The following GSTCD variants were observed in gnomAD, a reference collection of about 807,000 sequenced individuals.
The protein encoded by GSTCD is glutathione S-transferase C-terminal domain containing, also known as glutathione S-transferase C-terminal domain-containing protein.
In GSTCD, 44 loss-of-function variants were observed where a neutral mutation model predicts 68.3. The observed-to-expected ratio is 0.64, with a 90% confidence interval of 0.51 to 0.83. GSTCD has a LOEUF of 0.83. Ranked by LOEUF, GSTCD falls within the 40% of genes least tolerant of loss-of-function variation. The pLI, the probability that GSTCD is intolerant of heterozygous loss-of-function variation, is 0.00. For missense variants in GSTCD, 739 were observed against 735.9 expected, an observed-to-expected ratio of 1.00 and a Z score of -0.05; for synonymous variants, 273 against 255.2, an observed-to-expected ratio of 1.07 and a Z score of -0.67.
intron 5 of GSTCD, among the ~76,000 whole-genome samples, chr4:105,742,101 A>ATTT (rs1733648673): frequency 6.6e-6 from 1 of 152,182 alleles, no homozygotes; most frequent in South Asian, 2.1e-4. Flanking sequence ...TGCTGAATTC[A>ATTT]TTTAATTACA....
intron 1 of GSTCD, among the ~76,000 whole-genome samples, chr4:105,709,736 T>C (rs1028449456): frequency 2.0e-5 from 3 of 152,252 alleles, no homozygotes; most frequent in Non-Finnish European, 2.9e-5. Flanking sequence ...ATGCCAGCTT[T>C]AGTAATATAT....
chr4:105,834,654 T>C (rs1400276760), intron 9 of GSTCD, 60 bp downstream of exon 9: 8 of 1,473,878 alleles, frequency 5.4e-6, no homozygotes, highest in Non-Finnish European at 7.4e-6. Flanking sequence ...GACACAAAAC[T>C]TGTTTGATAT....
chr4:105,744,322 A>G lies in GSTCD; in HGVS notation c.1240+14823A>G, dbSNP rs1207203913. On this transcript the variant is annotated intron_variant, in intron 5 of 11. Coordinates refer to ENST00000515279, the MANE Select transcript of GSTCD (RefSeq NM_001370181.1). The stretch of plus-strand genomic sequence containing the variant: ...TTTGGTTAAGCTTTATTGAATTAAT[A>G]AGTAATTTGTAGAGAGATACTTTCA... Among the ~76,000 whole-genome samples, 8 of 152,318 alleles carry G rather than the reference A, an allele frequency of 5.3e-5. No individual in the cohort carries two copies. In the East Asian group the frequency reaches 1.5e-3, roughly 29 times the overall value.
intron 3 of GSTCD, among the ~76,000 whole-genome samples, chr4:105,720,479 G>C (rs574355649): frequency 6.6e-6 from 1 of 152,188 alleles, no homozygotes; most frequent in Non-Finnish European, 1.5e-5. Context: ...GTATTTGAAG[G>C]CTTTGCTTCA....
At chr4:105,776,345 A>G (rs764632345) in intron 5 of GSTCD, among the ~76,000 whole-genome samples, 139 of 151,970 alleles carry the variant, frequency 9.1e-4, no homozygotes, top group Non-Finnish European at 1.6e-3. Context: ...AGGGTAGTGA[A>G]TGGTTTTGTC....
At chr4:105,838,250 C>A (rs1186669686) in intron 10 of GSTCD, among the ~76,000 whole-genome samples, 1 of 152,194 alleles carries the variant, frequency 6.6e-6, no homozygotes, top group Non-Finnish European at 1.5e-5. Context: ...TGGCCCAATT[C>A]CCACAGGGCA....
intron 2 of GSTCD, among the ~76,000 whole-genome samples, chr4:105,718,621 A>C (rs1226194621): frequency 6.6e-6 from 1 of 152,246 alleles, no homozygotes; most frequent in Non-Finnish European, 1.5e-5. Flanking sequence ...TCAATATTTC[A>C]GTGCAGTATT....
At chr4:105,709,793 C>T (rs1433575210) in intron 1 of GSTCD, among the ~76,000 whole-genome samples, 1 of 151,944 alleles carries the variant, frequency 6.6e-6, no homozygotes, top group African/African-American at 2.4e-5. Context: ...TCTATTTTAC[C>T]TAAGCTTATC....
chr4:105,714,037 C>A (rs2149202347), intron 1 of GSTCD, among the ~76,000 whole-genome samples: 1 of 151,252 alleles, frequency 6.6e-6, no homozygotes, highest in East Asian at 1.9e-4. Context: ...AAAAAAAAAC[C>A]AGATCTGAAT....
chr4:105,748,925 GT>G (rs992179422), intron 5 of GSTCD, among the ~76,000 whole-genome samples: 2 of 151,800 alleles, frequency 1.3e-5, no homozygotes, highest in African/African-American at 4.8e-5. Flanking sequence ...ATATTAACAT[GT>G]TTTTTTAAAA....
At position 105,845,523 on chromosome 4, in the gene GSTCD, G is replaced by A; in HGVS notation, c.1848G>A (p.Met616Ile). 6.2e-7 allele frequency: 1 copy of A among 1,614,048 alleles called. No individual in the cohort carries two copies. The highest frequency in any genetic ancestry group is 1.3e-5 in the African/African-American group (1 of 75,052). Residue 616 changes from methionine to isoleucine, a missense_variant, in exon 12 of 12, where the codon ATG becomes ATA. Met to Ile is a conservative substitution (Grantham distance 10, BLOSUM62 1). Coordinates refer to ENST00000515279, the MANE Select transcript of GSTCD (RefSeq NM_001370181.1). The stretch of plus-strand genomic sequence containing the variant: ...GATACTCCGTTCAAGTGATATCCAT[G>A]GAGCCAGAGAGCTGCTCTCCCAAAA... Reference protein sequence around the residue: ...ECGYSVQVISMEPESCSPKNN... With the variant: ...ECGYSVQVISIEPESCSPKNN...
chr4:105,816,251 C>T (rs1722977746), intron 5 of GSTCD, among the ~76,000 whole-genome samples: 1 of 152,106 alleles, frequency 6.6e-6, no homozygotes, highest in South Asian at 2.1e-4. Context: ...TTTTAGTCAG[C>T]ATCTGCAGTA....
intron 10 of GSTCD, among the ~76,000 whole-genome samples, chr4:105,839,891 CAG>C (rs1724270328): frequency 6.6e-6 from 1 of 152,156 alleles, no homozygotes; most frequent in Admixed American, 6.5e-5. Context: ...ACAGGGCACA[CAG>C]AGTCTTTCAG....
chr4:105,775,905 C>A (rs1735040601), intron 5 of GSTCD, among the ~76,000 whole-genome samples: 1 of 152,176 alleles, frequency 6.6e-6, no homozygotes. Flanking sequence ...TCTTCAGAGC[C>A]AACAGGCAGG....
intron 5 of GSTCD, among the ~76,000 whole-genome samples, chr4:105,778,150 G>A (rs1735142426): frequency 6.6e-6 from 1 of 152,076 alleles, no homozygotes; most frequent in East Asian, 1.9e-4. Context: ...CAATTTCAGG[G>A]AGAAGTGTCA....
intron 5 of GSTCD, among the ~76,000 whole-genome samples, chr4:105,797,046 ATGTGTGTG>A (rs201988913): frequency 6.2e-5 from 9 of 145,518 alleles, no homozygotes; most frequent in East Asian, 2.0e-4. Flanking sequence ...ACAGAGATAC[ATGTGTGTG>A]TGTGTGTGTG....
intron 5 of GSTCD, among the ~76,000 whole-genome samples, chr4:105,790,719 G>A (rs1304115346): frequency 6.6e-6 from 1 of 151,986 alleles, no homozygotes; most frequent in Non-Finnish European, 1.5e-5. Flanking sequence ...CAAATGTTGG[G>A]GAATAAACCT....
intron 3 of GSTCD, among the ~76,000 whole-genome samples, chr4:105,726,135 A>T (rs1733023457): frequency 6.6e-6 from 1 of 152,208 alleles, no homozygotes; most frequent in Non-Finnish European, 1.5e-5. Flanking sequence ...GCAAATATCT[A>T]TCAACCAGTG....
At chr4:105,715,304 T>TA (rs1285004627) in intron 1 of GSTCD, among the ~76,000 whole-genome samples, 7 of 152,124 alleles carry the variant, frequency 4.6e-5, no homozygotes, top group African/African-American at 9.7e-5. Context: ...TTCAGCTTTA[T>TA]AAAAAAACTC....
Sources: gnomAD v4.1 joint callset for allele counts (sites outside exome capture counted in the v4.1 genomes callset) on GRCh38, gnomAD v4.1.1 for gene constraint, MANE v1.5 for transcripts, NCBI Gene and HGNC (gene_info 2026-07-23, HGNC 2026-07-21) for gene names.